The following NKAIN3 variants were observed in gnomAD, a reference collection of about 807,000 sequenced individuals.
The protein encoded by NKAIN3 is sodium/potassium transporting ATPase interacting 3, also known as sodium/potassium-transporting ATPase subunit beta-1-interacting protein 3.
NKAIN3 carries 25 observed loss-of-function variants against 30.2 expected under a neutral mutation model. The ratio of observed to expected loss-of-function variants is 0.83; its 90% confidence interval spans 0.60 to 1.16. The LOEUF (loss-of-function observed/expected upper bound fraction) is 1.16. Ranked by LOEUF, NKAIN3 falls within the 50% of genes most tolerant of loss-of-function variation. The probability of loss-of-function intolerance (pLI) is 0.00; values close to 1 mark genes in which losing one functional copy is unlikely to be tolerated. For missense variants in NKAIN3, 225 were observed against 254.1 expected, an observed-to-expected ratio of 0.89 and a Z score of 0.78; for synonymous variants, 91 against 89.6, an observed-to-expected ratio of 1.02 and a Z score of -0.09.
At chr8:62,596,024 C>T (rs1324970940) in intron 3 of NKAIN3, among the ~76,000 whole-genome samples, 1 of 151,990 alleles carries the variant, frequency 6.6e-6, no homozygotes, top group African/African-American at 2.4e-5. Context: ...ACTTTACAGG[C>T]CCTGACTATA....
intron 1 of NKAIN3, among the ~76,000 whole-genome samples, chr8:62,478,106 A>T (rs1299602140): frequency 6.6e-6 from 1 of 152,108 alleles, no homozygotes; most frequent in African/African-American, 2.4e-5. Context: ...CACATTGGAG[A>T]TTAGGGTTTC....
chr8:62,560,722 G>A (rs1809545375), intron 1 of NKAIN3, among the ~76,000 whole-genome samples: 1 of 151,100 alleles, frequency 6.6e-6, no homozygotes, highest in Admixed American at 6.6e-5. Context: ...ATATTTTTTA[G>A]TAGAGATGGG....
intron 1 of NKAIN3, among the ~76,000 whole-genome samples, chr8:62,472,070 G>A (rs1806372376): frequency 6.6e-6 from 1 of 152,036 alleles, no homozygotes; most frequent in Admixed American, 6.6e-5. Context: ...AACTCACTGG[G>A]GTGAAAGGGA....
intron 4 of NKAIN3, among the ~76,000 whole-genome samples, chr8:62,846,117 TA>T (rs1215251138): frequency 1.3e-5 from 2 of 151,732 alleles, no homozygotes; most frequent in African/African-American, 4.9e-5. Flanking sequence ...CAGAGAGGAA[TA>T]AAGATAAAAA....
At chr8:62,617,332 C>T (rs1367385508) in intron 3 of NKAIN3, among the ~76,000 whole-genome samples, 2 of 152,202 alleles carry the variant, frequency 1.3e-5, no homozygotes, top group East Asian at 3.9e-4. Context: ...GGCTTAGAAG[C>T]TCTGCCAAGA....
intron 5 of NKAIN3, among the ~76,000 whole-genome samples, chr8:62,939,694 A>C (rs1822894807): frequency 6.6e-6 from 1 of 152,100 alleles, no homozygotes; most frequent in South Asian, 2.1e-4. Context: ...CTTTTCAGAC[A>C]AAAAAATGCT....
chr8:62,958,374 A>G (rs1823480723), intron 6 of NKAIN3, among the ~76,000 whole-genome samples: 3 of 152,020 alleles, frequency 2.0e-5, no homozygotes, highest in Non-Finnish European at 4.4e-5. Flanking sequence ...TTGGGTTTCA[A>G]TATCTTACCA....
chr8:62,608,946 C>T (rs763200349), intron 3 of NKAIN3, among the ~76,000 whole-genome samples: 4 of 152,118 alleles, frequency 2.6e-5, no homozygotes, highest in Non-Finnish European at 5.9e-5. Context: ...GAGTGTTTGA[C>T]TAAATGTTAG....
intron 1 of NKAIN3, among the ~76,000 whole-genome samples, chr8:62,284,074 A>G (rs569496352): frequency 1.3e-5 from 2 of 152,254 alleles, no homozygotes; most frequent in Non-Finnish European, 2.9e-5. Flanking sequence ...ACCTGTGACC[A>G]CATAGCCGAG....
At chr8:62,659,306 A>G (rs775285513) in intron 3 of NKAIN3, among the ~76,000 whole-genome samples, 1 of 152,178 alleles carries the variant, frequency 6.6e-6, no homozygotes, top group South Asian at 2.1e-4. Flanking sequence ...GGCTCTAGCA[A>G]TGGGAGGGTA....
intron 1 of NKAIN3, among the ~76,000 whole-genome samples, chr8:62,429,004 T>C (rs1203484606): frequency 6.6e-6 from 1 of 151,966 alleles, no homozygotes; most frequent in Non-Finnish European, 1.5e-5. Flanking sequence ...TTGATTTTTG[T>C]AATATGGTGA....
chr8:62,668,793 A>G (rs1439255165), intron 3 of NKAIN3, among the ~76,000 whole-genome samples: 2 of 152,204 alleles, frequency 1.3e-5, no homozygotes, highest in African/African-American at 4.8e-5. Context: ...AATTTTAATC[A>G]GTTCATAGTA....
chr8:62,736,149 C>T (rs1815664543), intron 3 of NKAIN3, among the ~76,000 whole-genome samples: 1 of 152,166 alleles, frequency 6.6e-6, no homozygotes, highest in African/African-American at 2.4e-5. Flanking sequence ...GCTTTCAAGA[C>T]AGCATCAGCA....
At chr8:62,917,613 A>G (rs949738453) in intron 4 of NKAIN3, among the ~76,000 whole-genome samples, 5 of 152,310 alleles carry the variant, frequency 3.3e-5, no homozygotes, top group Non-Finnish European at 5.9e-5. Flanking sequence ...TTTTCCCGGT[A>G]TTATTTTATA....
chr8:62,352,093 A>G (rs1459660806), intron 1 of NKAIN3, among the ~76,000 whole-genome samples: 3 of 152,198 alleles, frequency 2.0e-5, no homozygotes, highest in Non-Finnish European at 4.4e-5. Context: ...TCAGCTACAA[A>G]TTGGAGAGAG....
At chr8:62,545,693 A>G (rs893118526) in intron 1 of NKAIN3, among the ~76,000 whole-genome samples, 17 of 152,202 alleles carry the variant, frequency 1.1e-4, no homozygotes, top group African/African-American at 2.4e-4. Context: ...AAACTCTCCA[A>G]TTGACAGACA....
chr8:62,340,066 G>T (rs1315317258), intron 1 of NKAIN3, among the ~76,000 whole-genome samples: 1 of 152,046 alleles, frequency 6.6e-6, no homozygotes. Context: ...AATAAGAAAA[G>T]AGTATAACAA....
chr8:62,831,279 C>T (rs145387964), intron 4 of NKAIN3, among the ~76,000 whole-genome samples: 90 of 152,224 alleles, frequency 5.9e-4, no homozygotes, highest in Non-Finnish European at 1.0e-3. Context: ...AAAGTGCCAG[C>T]ATCCCCAGAT....
intron 1 of NKAIN3, among the ~76,000 whole-genome samples, chr8:62,418,097 C>T (rs1804509687): frequency 6.6e-6 from 1 of 152,168 alleles, no homozygotes; most frequent in Non-Finnish European, 1.5e-5. Context: ...GGTGCATTAT[C>T]AGTCCAGCTG....
Sources: gnomAD v4.1 joint callset for allele counts (sites outside exome capture counted in the v4.1 genomes callset) on GRCh38, gnomAD v4.1.1 for gene constraint, MANE v1.5 for transcripts, NCBI Gene and HGNC (gene_info 2026-07-23, HGNC 2026-07-21) for gene names.